The following BCOR variants were observed in gnomAD, a reference collection of about 807,000 sequenced individuals.
BCOR encodes the protein BCL-6 corepressor.
Under a neutral mutation model 86.7 loss-of-function variants are expected in BCOR, and 10 were observed. The ratio of observed to expected loss-of-function variants is 0.12; its 90% CI spans 0.07 to 0.20. The LOEUF (loss-of-function observed/expected upper bound fraction) is 0.20. Among genes scored for constraint, BCOR ranks in the 10% least tolerant of loss-of-function variants. The probability of loss-of-function intolerance (pLI) is 1.00; values close to 1 mark genes in which losing one functional copy is unlikely to be tolerated. For missense variants in BCOR, 1,259 were observed against 1,452.1 expected, an observed-to-expected ratio of 0.87 and a Z score of 2.16; for synonymous variants, 611 against 609.0, an observed-to-expected ratio of 1.00 and a Z score of -0.05.
chrX:40,070,200 ACCCTAATTC>A (rs1401837617), intron 6 of BCOR, among the ~76,000 whole-genome samples: 1 of 111,714 alleles, frequency 9.0e-6, no homozygotes, highest in Non-Finnish European at 1.9e-5. Context: ...TCACCCAGAC[ACCCTAATTC>A]CCCTTCGCCC....
At position 40,073,823 on chromosome X, in the gene BCOR, G is replaced by A. The variant is rs773646449; in HGVS notation, c.1523C>T (p.Ser508Phe). 3 of 1,212,536 alleles carry A rather than the reference G, an allele frequency of 2.5e-6. No individual in the cohort carries two copies. Among genetic ancestry groups the A allele is most frequent in the Non-Finnish European group, 3.3e-6 (3 of 895,673 alleles). Reference protein sequence around the residue: ...RSEIISTAPSSWVVPGPSPNE... With the variant: ...RSEIISTAPSFWVVPGPSPNE... The stretch of plus-strand genomic sequence containing the variant: ...AGGACTTGGCCCGGGCACCACCCAG[G>A]ATGAGGGAGCAGTGCTGATGATTTC... Residue 508 changes from serine to phenylalanine, a missense_variant, in exon 4 of 15, where the codon TCC becomes TTC. By Grantham distance (155) the Ser-to-Phe change is radical (BLOSUM62 -2). Transcript: ENST00000378444.
intron 10 of BCOR, 67 bp downstream of exon 10, chrX:40,062,072 C>A (rs1026118680): frequency 1.7e-6 from 2 of 1,148,119 alleles, no homozygotes; most frequent in African/African-American, 3.6e-5. Flanking sequence ...TCCCTCCCCT[C>A]GCCCACCACA....
intron 1 of BCOR, among the ~76,000 whole-genome samples, chrX:40,174,814 G>A (rs1321135133): frequency 8.8e-6 from 1 of 113,115 alleles, no homozygotes; most frequent in Non-Finnish European, 1.9e-5. Context: ...CAAAGAGCAA[G>A]TTTCCTATCT....
At chrX:40,119,244 G>GTTT (rs770429555) in intron 1 of BCOR, among the ~76,000 whole-genome samples, 1 of 92,081 alleles carries the variant, frequency 1.1e-5, no homozygotes, top group Non-Finnish European at 2.2e-5. Context: ...TTTGGGTGTT[G>GTTT]TTTTTTTTTT....
upstream of BCOR, among the ~76,000 whole-genome samples, chrX:40,098,252 C>T (rs2147762378): frequency 9.1e-6 from 1 of 109,577 alleles, no homozygotes; most frequent in South Asian, 3.9e-4. Flanking sequence ...GTTTCCCCGG[C>T]CGTCATCGAT....
At chrX:40,122,636 C>A (rs994805462) in intron 1 of BCOR, among the ~76,000 whole-genome samples, 1 of 111,798 alleles carries the variant, frequency 8.9e-6, no homozygotes, top group Non-Finnish European at 1.9e-5. Context: ...GCTGCCCAGT[C>A]GGCTCCTTCT....
At chrX:40,079,311 G>A (rs2147356460) in intron 1 of BCOR, among the ~76,000 whole-genome samples, 1 of 112,500 alleles carries the variant, frequency 8.9e-6, no homozygotes, top group African/African-American at 3.2e-5. Flanking sequence ...TTACACTTTA[G>A]CACACGGAGC....
chrX:40,094,825 C>T (rs1936780846), intron 1 of BCOR, among the ~76,000 whole-genome samples: 2 of 113,383 alleles, frequency 1.8e-5, no homozygotes, highest in South Asian at 7.0e-4. Context: ...GCAGCCTGGA[C>T]AGCGAGGCCC....
intron 1 of BCOR, among the ~76,000 whole-genome samples, chrX:40,132,341 T>A (rs1937611586): frequency 8.9e-6 from 1 of 111,908 alleles, no homozygotes; most frequent in Admixed American, 9.5e-5. Flanking sequence ...TTTTTTTGTT[T>A]GTTTTTGAGA....
chrX:40,121,021 GTAGGAGACTGCCTGCTGTGTT>G (rs1387869352), intron 1 of BCOR, among the ~76,000 whole-genome samples: 1 of 111,575 alleles, frequency 9.0e-6, no homozygotes, highest in African/African-American at 3.3e-5. Context: ...AGGCCCTGTG[GTAGGAGACTGCCTGCTGTGTT>G]TAAGGAACAA....
intron 14 of BCOR, among the ~76,000 whole-genome samples, 183 bp from the exon 15 acceptor site, chrX:40,052,583 GA>G (rs1270250580): frequency 4.3e-4 from 1 of 2,320 alleles, no homozygotes; most frequent in Non-Finnish European, 8.1e-4. Flanking sequence ...TTTTTTTTTG[GA>G]GACGGAATCT....
upstream of BCOR, among the ~76,000 whole-genome samples, chrX:40,099,673 C>G (rs1937034284): frequency 8.9e-6 from 1 of 112,443 alleles, no homozygotes; most frequent in Non-Finnish European, 1.9e-5. Context: ...AAATTAGACT[C>G]ACTACTGACT....
rs2147259368 is a variant in BCOR, at chrX:40,074,461, A to G, written c.885T>C (p.Pro295=). 6 of 1,205,861 alleles carry G rather than the reference A, an allele frequency of 5.0e-6. No individual in the cohort carries two copies. The highest frequency in any genetic ancestry group is 5.6e-6 in the Non-Finnish European group (5 of 892,144). The change falls in exon 4 of 15, where the codon CCT becomes CCC. Residue 295 remains proline (P), a synonymous_variant. Coordinates refer to ENST00000378444, the MANE Select transcript of BCOR (RefSeq NM_001123385.2). The part of the protein sequence containing the change: ...KSLPWKMGVS[P]GNPVDSHAYP... ...AGGCGTGGGAATCAACAGGATTCCC[A>G]GGGCTGACGCCCATCTTCCACGGGA...
At position 40,064,324 on chromosome X, in the gene BCOR, G is replaced by C. The variant is rs755616213; in HGVS notation, c.3502+12C>G. 1.2e-5 allele frequency: 15 copies of C among 1,212,415 alleles called. No individual in the cohort carries two copies. The highest frequency in any genetic ancestry group is 6.7e-6 in the Non-Finnish European group (6 of 895,687). ...CACCCCCCGGCAGGCGGGCGAAGCAGACAGGGCTCACCTTTAGAGACTCGT... is the reference window on the plus strand; with the variant it reads ...CACCCCCCGGCAGGCGGGCGAAGCACACAGGGCTCACCTTTAGAGACTCGT... On this transcript the variant is annotated intron_variant, in intron 7 of 14. Transcript: ENST00000378444.
intron 1 of BCOR, among the ~76,000 whole-genome samples, chrX:40,133,873 A>G (rs765870288): frequency 9.0e-6 from 1 of 111,386 alleles, no homozygotes; most frequent in Admixed American, 9.6e-5. Context: ...CATGTGTATT[A>G]ACACCTTGCT....
At position 40,073,825 on chromosome X, in the gene BCOR, T is replaced by A. The variant is rs1355897024; in HGVS notation, c.1521A>T (p.Ser507=). 6 of 1,211,111 alleles carry A rather than the reference T, an allele frequency of 5.0e-6. No individual in the cohort carries two copies. The highest frequency in any genetic ancestry group is 6.7e-6 in the Non-Finnish European group (6 of 895,432). Residue 507 remains serine (S), a synonymous_variant, in exon 4 of 15, where the codon TCA becomes TCT. Transcript: ENST00000378444. The part of the protein sequence containing the change: ...YRSEIISTAP[S]SWVVPGPSPN... ...GACTTGGCCCGGGCACCACCCAGGA[T>A]GAGGGAGCAGTGCTGATGATTTCAG...
intron 1 of BCOR, among the ~76,000 whole-genome samples, chrX:40,113,881 C>T (rs376583799): frequency 1.3e-4 from 14 of 109,746 alleles, no homozygotes; most frequent in African/African-American, 4.0e-4. Flanking sequence ...TGCAGCAGCA[C>T]GATCTCAGCT....
At chrX:40,108,608 C>T (rs1937238914) in intron 1 of BCOR, among the ~76,000 whole-genome samples, 1 of 113,591 alleles carries the variant, frequency 8.8e-6, no homozygotes, top group Non-Finnish European at 1.9e-5. Flanking sequence ...TTCAAGCCCG[C>T]ACCTTGCCTG....
intron 6 of BCOR, among the ~76,000 whole-genome samples, chrX:40,069,590 AG>A (rs2147151606): frequency 8.9e-6 from 1 of 112,394 alleles, no homozygotes; most frequent in East Asian, 2.8e-4. Context: ...CAGAACAAAG[AG>A]GGATTCTTAT....
Sources: gnomAD v4.1 joint callset for allele counts (sites outside exome capture counted in the v4.1 genomes callset) on GRCh38, gnomAD v4.1.1 for gene constraint, MANE v1.5 for transcripts, NCBI Gene and HGNC (gene_info 2026-07-23, HGNC 2026-07-21) for gene names.